The following GPC6 variants were observed in gnomAD, a reference collection of about 807,000 sequenced individuals.
GPC6 encodes glypican-6.
A neutral mutation model predicts 55.2 loss-of-function variants in GPC6; 14 were observed. The ratio of observed to expected loss-of-function variants is 0.25; its 90% CI spans 0.17 to 0.40. The LOEUF (loss-of-function observed/expected upper bound fraction) is 0.40. Among genes scored for constraint, GPC6 ranks in the 10% least tolerant of loss-of-function variants. The pLI is 1.00. For synonymous variants in GPC6, 278 were observed against 259.6 expected (o/e 1.07, Z -0.68); for missense variants, 641 against 708.5 (o/e 0.90, Z 1.08).
rs577009486 is a variant in GPC6, at chr13:93,794,569, G to T, written c.320-35585G>T. Among the ~76,000 whole-genome samples the T allele has an allele frequency of 3.9e-5, 6 of 152,230 alleles. No individual in the cohort carries two copies. The South Asian group carries it at 8.3e-4, about 21-fold the overall frequency. On this transcript the variant is annotated intron_variant, in intron 2 of 8. Coordinates refer to ENST00000377047, the MANE Select transcript of GPC6 (RefSeq NM_005708.5). ...ACAGGAAGAGTTTCCACTTCATTCT[G>T]GGGGGGAAAAAGAAAGAGTTGTTTT...
intron 4 of GPC6, among the ~76,000 whole-genome samples, chr13:94,156,225 G>A (rs1013757493): frequency 2.0e-5 from 3 of 152,116 alleles, no homozygotes; most frequent in African/African-American, 7.2e-5. Flanking sequence ...TAGCATTATT[G>A]TGGACTGCTG....
At chr13:93,535,066 C>A (rs1882003823) in intron 1 of GPC6, among the ~76,000 whole-genome samples, 1 of 152,108 alleles carries the variant, frequency 6.6e-6, no homozygotes, top group African/African-American at 2.4e-5. Context: ...GTAGTTTCAG[C>A]TTTTCATGTT....
At chr13:93,556,383 TG>T (rs1839757670) in intron 2 of GPC6, among the ~76,000 whole-genome samples, 1 of 133,044 alleles carries the variant, frequency 7.5e-6, no homozygotes, top group Non-Finnish European at 1.6e-5. Context: ...AGTGTGTGTG[TG>T]TGTGTGTGTG....
intron 4 of GPC6, chr13:94,187,129 G>A (rs1206851770): frequency 6.6e-6 from 1 of 152,168 alleles, no homozygotes; most frequent in Non-Finnish European, 1.5e-5. Flanking sequence ...CTGATGACAG[G>A]GAAAGAGCCC....
chr13:93,577,167 A>G (rs1216904217), intron 2 of GPC6, among the ~76,000 whole-genome samples: 1 of 152,180 alleles, frequency 6.6e-6, no homozygotes, highest in African/African-American at 2.4e-5. Context: ...TATGGGGAGC[A>G]ACAGAAATAT....
chr13:93,593,560 T>G (rs1184920445), intron 2 of GPC6, among the ~76,000 whole-genome samples: 1 of 152,118 alleles, frequency 6.6e-6, no homozygotes, highest in Non-Finnish European at 1.5e-5. Context: ...TAGATCTAGT[T>G]TGATAAAAGT....
At chr13:93,470,953 T>C (rs1879089574) in intron 1 of GPC6, among the ~76,000 whole-genome samples, 1 of 152,170 alleles carries the variant, frequency 6.6e-6, no homozygotes, top group Admixed American at 6.5e-5. Flanking sequence ...TTATTATCCA[T>C]TTAATGTCTG....
At chr13:94,141,333 TAAGG>T in intron 4 of GPC6, among the ~76,000 whole-genome samples, 1 of 152,296 alleles carries the variant, frequency 6.6e-6, no homozygotes, top group East Asian at 1.9e-4. Flanking sequence ...ATGCTTAATA[TAAGG>T]AAGTCTGTTA....
At chr13:93,711,456 A>C (rs1473338445) in intron 2 of GPC6, among the ~76,000 whole-genome samples, 1 of 151,782 alleles carries the variant, frequency 6.6e-6, no homozygotes, top group African/African-American at 2.4e-5. Flanking sequence ...GAATGATGGG[A>C]GCTACAGTTC....
chr13:93,410,758 T>C (rs1309217608), intron 1 of GPC6, among the ~76,000 whole-genome samples: 1 of 152,202 alleles, frequency 6.6e-6, no homozygotes, highest in Non-Finnish European at 1.5e-5. Context: ...AGTTTCTGGC[T>C]CATAATGTAG....
At chr13:93,443,495 G>T (rs889206051) in intron 1 of GPC6, among the ~76,000 whole-genome samples, 1 of 152,184 alleles carries the variant, frequency 6.6e-6, no homozygotes, top group South Asian at 2.1e-4. Context: ...TCGTAATTGG[G>T]TAGCAAGAAG....
At position 94,298,082 on chromosome 13, in the gene GPC6, A is replaced by G. The variant is rs192187923; in HGVS notation, c.1009-7898A>G. On this transcript the variant is annotated intron_variant, in intron 5 of 8. Coordinates refer to ENST00000377047, the MANE Select transcript of GPC6 (RefSeq NM_005708.5). Reference sequence around the variant, plus strand: ...TTAAAATGCCTTTGTAGTGAGTATAATAATTTTATATCTAAAGAAAAAGTC... The same window carrying G: ...TTAAAATGCCTTTGTAGTGAGTATAGTAATTTTATATCTAAAGAAAAAGTC... 3.9e-5 allele frequency among the ~76,000 whole-genome samples: 6 copies of G among 152,282 alleles called. No individual in the cohort carries two copies. The East Asian group carries it at 1.2e-3, about 29-fold the overall frequency.
chr13:93,494,622 TG>T (rs1880177808), intron 1 of GPC6, among the ~76,000 whole-genome samples: 1 of 152,188 alleles, frequency 6.6e-6, no homozygotes. Context: ...CTAGTCTCAA[TG>T]GTCTTTACAT....
At chr13:93,396,013 A>C (rs1875842336) in intron 1 of GPC6, among the ~76,000 whole-genome samples, 1 of 152,188 alleles carries the variant, frequency 6.6e-6, no homozygotes, top group Non-Finnish European at 1.5e-5. Flanking sequence ...AGTTTGGGAA[A>C]AGTAGCTTAG....
intron 3 of GPC6, among the ~76,000 whole-genome samples, chr13:93,894,181 T>C (rs1457954715): frequency 6.6e-6 from 1 of 152,202 alleles, no homozygotes; most frequent in Non-Finnish European, 1.5e-5. Context: ...GGGGTGCCCT[T>C]TAGGAATTCC....
chr13:94,388,646 T>C (rs1315920558), intron 7 of GPC6, among the ~76,000 whole-genome samples: 1 of 152,202 alleles, frequency 6.6e-6, no homozygotes, highest in Non-Finnish European at 1.5e-5. Flanking sequence ...AATTTATTTC[T>C]CATAGTTCTA....
chr13:93,658,065 A>C (rs1371316085), intron 2 of GPC6, among the ~76,000 whole-genome samples: 1 of 152,024 alleles, frequency 6.6e-6, no homozygotes, highest in Non-Finnish European at 1.5e-5. Context: ...CCTGAACCTA[A>C]AATAAATGTT....
intron 1 of GPC6, among the ~76,000 whole-genome samples, chr13:93,231,427 A>ATACG (rs1876058048): frequency 1.1e-5 from 1 of 87,056 alleles, no homozygotes; most frequent in African/African-American, 4.3e-5. Flanking sequence ...ATATATACGT[A>ATACG]TATATATATA....
At chr13:94,073,138 A>G (rs982081584) in intron 4 of GPC6, among the ~76,000 whole-genome samples, 2 of 152,208 alleles carry the variant, frequency 1.3e-5, no homozygotes, top group Admixed American at 1.3e-4. Flanking sequence ...TGACATCTGC[A>G]TTGAATGGCC....
Sources: allele counts gnomAD v4.1 joint callset (sites outside exome capture counted in the v4.1 genomes callset), GRCh38; gene constraint gnomAD v4.1.1; transcripts MANE v1.5; gene names NCBI Gene and HGNC (gene_info 2026-07-23, HGNC 2026-07-21).